The following MACF1 variants were observed in gnomAD, a reference collection of about 807,000 sequenced individuals.
MACF1 encodes microtubule actin crosslinking factor 1.
A neutral mutation model predicts 854.8 loss-of-function variants in MACF1; 193 were observed. That is an observed-to-expected ratio of 0.23 (90% CI 0.20 to 0.25). The LOEUF (loss-of-function observed/expected upper bound fraction) is 0.25. Ranked by LOEUF, MACF1 falls within the 10% of genes least tolerant of loss-of-function variation. The pLI, the probability that MACF1 is intolerant of heterozygous loss-of-function variation, is 1.00. For missense variants in MACF1, 7,722 were observed against 8,929.1 expected, an observed-to-expected ratio of 0.86 and a Z score of 5.45; for synonymous variants, 3,185 against 3,226.7, an observed-to-expected ratio of 0.99 and a Z score of 0.44.
intron 2 of MACF1, among the ~76,000 whole-genome samples, chr1:39,123,974 C>T (rs1345880530): frequency 2.6e-5 from 4 of 151,812 alleles, no homozygotes; most frequent in Non-Finnish European, 5.9e-5. Context: ...AACTCCTGAC[C>T]TCATGATCCG....
chr1:39,483,637 A>G (rs569707916), intron 99 of MACF1, among the ~76,000 whole-genome samples: 7 of 152,288 alleles, frequency 4.6e-5, no homozygotes, highest in Admixed American at 1.3e-4. Flanking sequence ...TTCCCAAGAG[A>G]GAAGCAAAGA....
rs1299458522 is a variant in MACF1, at chr1:39,335,222, G to C, written c.8634G>C (p.Leu2878Phe). The C allele has an allele frequency of 6.2e-7, 1 of 1,613,968 alleles. No individual in the cohort carries two copies. The highest frequency in any genetic ancestry group is 8.5e-7 in the Non-Finnish European group (1 of 1,179,966). Residue 2878 changes from leucine to phenylalanine, a missense_variant, in exon 37 of 101, where the codon TTG becomes TTC. Physicochemically the swap from Leu to Phe is conservative, Grantham distance 22. This residue lies in a region of MACF1 where 854 missense variants were observed against 852.6 expected (regional missense o/e 1.00). Transcript: ENST00000564288. ...INPHNLKGKS[L>F]GQVSLTHPYS... Reference sequence around the variant, plus strand: ...CTCATAATCTTAAAGGTAAATCCTTGGGCCAAGTGTCATTGACACACCCTT... The same window carrying C: ...CTCATAATCTTAAAGGTAAATCCTTCGGCCAAGTGTCATTGACACACCCTT...
At chr1:39,378,578 A>G (rs1006972354) in intron 53 of MACF1, 55 bp downstream of exon 53, 6 of 1,508,216 alleles carry the variant, frequency 4.0e-6, no homozygotes, top group South Asian at 2.3e-5. Context: ...GACAGTGTCT[A>G]TGTTTGCATC....
In MACF1 at chr1:39,177,392, C is replaced by T. The variant is rs748041119; in HGVS notation, c.221-53790C>T. ...CCGCCTCGGCCTCCCAAAGTGCTGG[C>T]ATTACAGGCGTGAGCCACCTTTCCC... On this transcript the variant is annotated intron_variant, in intron 2 of 93. Coordinates refer to the MACF1 transcript ENST00000361689. Among the ~76,000 whole-genome samples, 23 of 152,180 alleles carry T rather than the reference C, an allele frequency of 1.5e-4. 1 individual carries two copies. The East Asian group carries it at 4.3e-3, about 28-fold the overall frequency.
At chr1:39,252,881 G>A (rs962620453) in intron 4 of MACF1, among the ~76,000 whole-genome samples, 5 of 152,190 alleles carry the variant, frequency 3.3e-5, no homozygotes, top group Admixed American at 3.3e-4. Flanking sequence ...AAGTGTTGGA[G>A]AGTGCCCAGA....
chr1:39,281,933 G>A (rs988036645), intron 6 of MACF1, among the ~76,000 whole-genome samples: 1 of 152,142 alleles, frequency 6.6e-6, no homozygotes, highest in African/African-American at 2.4e-5. Context: ...TAGTGGCGGT[G>A]TATGATGATA....
intron 1 of MACF1, among the ~76,000 whole-genome samples, chr1:39,209,049 C>T (rs987328776): frequency 2.5e-4 from 38 of 151,406 alleles, no homozygotes; most frequent in African/African-American, 9.0e-4. Flanking sequence ...GTCAGGAGTT[C>T]GAGACCAGCC....
rs56376033 is a variant in MACF1 at position 39,262,397 on chromosome 1, CAAAAAAAA to C, written c.528+4384_528+4391del. Among the ~76,000 whole-genome samples the C allele has an allele frequency of 4.4e-5, 3 of 68,804 alleles. No homozygotes were observed. The East Asian group carries it at 1.6e-3, about 38-fold the overall frequency. 45.1% of individuals were successfully genotyped at this position (68,804 alleles called of 152,430 possible). A position where few individuals can be genotyped will look rare whatever the true frequency, so the allele number is the denominator to read the frequency against. ...GCCTGGGCTACACGAGACTCCATCACAAAAAAAAAAAAAAAAAAAAAAGAATCTACTAC... is the reference window on the plus strand; with the variant it reads ...GCCTGGGCTACACGAGACTCCATCACAAAAAAAAAAAAAAGAATCTACTAC... On this transcript the variant is annotated intron_variant, in intron 6 of 100. Coordinates refer to ENST00000564288, the MANE Select transcript of MACF1 (RefSeq NM_001394062.1).
At position 39,485,569 on chromosome 1, in the gene MACF1, T is replaced by G. The variant is rs1645090846; in HGVS notation, c.22443T>G (p.Ser7481Arg). 6.2e-7 allele frequency: 1 copy of G among 1,613,520 alleles called. No homozygotes were observed. Among genetic ancestry groups the G allele is most frequent in the Admixed American group, 1.7e-5 (1 of 59,980 alleles). Residue 7481 changes from serine to arginine, a missense_variant, in exon 101 of 101, where the codon AGT (serine) becomes AGG (arginine). Coordinates refer to ENST00000564288, the MANE Select transcript of MACF1 (RefSeq NM_001394062.1). ...DPKKSASRPG[S>R]RAGSRAGSRA... is the part of the protein sequence containing the mutation. ...AAAAGTCTGCCAGTCGCCCTGGGAG[T>G]CGGGCTGGGAGTCGAGCCGGGAGTC...
intron 6 of MACF1, among the ~76,000 whole-genome samples, chr1:39,262,857 T>C (rs1408693011): frequency 6.6e-6 from 1 of 152,200 alleles, no homozygotes; most frequent in Non-Finnish European, 1.5e-5. Context: ...TCCTTTTCTT[T>C]GCCGTTCTGA....
At chr1:39,124,186 C>T (rs978573233) in intron 2 of MACF1, among the ~76,000 whole-genome samples, 1 of 151,884 alleles carries the variant, frequency 6.6e-6, no homozygotes, top group African/African-American at 2.4e-5. Flanking sequence ...ATGCCAGGCC[C>T]CCAGGTGGTT....
chr1:39,158,813 C>T (rs924356992), intron 2 of MACF1, among the ~76,000 whole-genome samples: 5 of 152,188 alleles, frequency 3.3e-5, no homozygotes, highest in Non-Finnish European at 7.3e-5. Context: ...TGAGGCTTCT[C>T]TGGTGACGTC....
rs1646765027 is a variant in MACF1 at position 39,333,648 on chromosome 1, C to G, written c.7060C>G (p.Leu2354Val). ...AACTGAAGAAGTCATTAATGAAGGT[C>G]TGATGGATGAGAAATTATTACATAA... ...LTTEEVINEG[L>V]MDEKLLHNVL... is the part of the protein sequence containing the mutation. Residue 2354 changes from leucine to valine, a missense_variant, in exon 37 of 101, where the codon CTG becomes GTG. Physicochemically the swap from Leu to Val is conservative, Grantham distance 32. Coordinates refer to ENST00000564288, the MANE Select transcript of MACF1 (RefSeq NM_001394062.1). 1 of 1,614,010 alleles carries G rather than the reference C, an allele frequency of 6.2e-7. No homozygotes were observed. The highest frequency in any genetic ancestry group is 1.3e-5 in the African/African-American group (1 of 74,900).
intron 100 of MACF1, chr1:39,484,970 A>C: frequency 1.8e-6 from 1 of 569,996 alleles, no homozygotes; most frequent in Non-Finnish European, 3.1e-6. Context: ...CGTTCTCATC[A>C]GAAATGATCA....
At position 39,409,078 on chromosome 1, in the gene MACF1, C is replaced by G. The variant is rs1441958258; in HGVS notation, c.15817-13296C>G. Reference sequence around the variant, plus strand: ...AGGAGAGCCGCCCGCCAGCCGAGCACTTCCAGCGAGCTAGCGAGCTAGCGG... The same window carrying G: ...AGGAGAGCCGCCCGCCAGCCGAGCAGTTCCAGCGAGCTAGCGAGCTAGCGG... On this transcript the variant is annotated intron_variant, in intron 58 of 100. Coordinates refer to ENST00000564288, the MANE Select transcript of MACF1 (RefSeq NM_001394062.1). This position sits in a 1 kb window ranked among gnomAD's most constrained non-coding sequence, Gnocchi z 4.2. 1.3e-5 allele frequency among the ~76,000 whole-genome samples: 2 copies of G among 151,762 alleles called. No individual in the cohort carries two copies. The highest frequency in any genetic ancestry group is 2.9e-5 in the Non-Finnish European group (2 of 67,876).
rs1644144724 is a variant in MACF1, at chr1:39,442,693, A to G, written c.19105-21A>G. ...TAGATGATATCCATAGAGATAAATT[A>G]TGTTGTTCAACATGTTTTAGGTCCT... On this transcript the variant is annotated intron_variant, in intron 77 of 100. Transcript: ENST00000564288. 8 of 1,612,994 alleles carry G rather than the reference A, an allele frequency of 5.0e-6. No homozygotes were observed. The African/African-American group carries it at 6.7e-5, about 13-fold the overall frequency.
At chr1:39,443,352 T>C in intron 78 of MACF1, 94 bp from the exon 79 acceptor site, 1 of 1,386,470 alleles carries the variant, frequency 7.2e-7, no homozygotes. Context: ...CGAAAATTCC[T>C]TCCTCAAGAT....
chr1:39,310,681 C>A, intron 25 of MACF1, 150 bp from the exon 26 acceptor site: 1 of 857,332 alleles, frequency 1.2e-6, no homozygotes, highest in Non-Finnish European at 1.7e-6. Context: ...TTTGGACTCT[C>A]AAAGATTAGT....
intron 2 of MACF1, among the ~76,000 whole-genome samples, chr1:39,092,741 G>A (rs1641836544): frequency 6.6e-6 from 1 of 151,876 alleles, no homozygotes; most frequent in East Asian, 1.9e-4. Flanking sequence ...TTCATACACC[G>A]CTGTCAGTGG....
Sources: gnomAD v4.1 joint callset for allele counts (sites outside exome capture counted in the v4.1 genomes callset) on GRCh38, gnomAD v4.1.1 for gene constraint, gnomAD v4.1.1 regional missense constraint, Gnocchi (gnomAD v3.1) non-coding constraint, MANE v1.5 for transcripts, NCBI Gene and HGNC (gene_info 2026-07-23, HGNC 2026-07-21) for gene names.